Variants in CMIP observed in about 807,000 individuals in gnomAD.
CMIP encodes the protein c-Maf inducing protein, also known as C-Maf-inducing protein.
In CMIP, 13 loss-of-function variants were observed where a neutral mutation model predicts 97.3. The observed-to-expected ratio is 0.13, with a 90% CI of 0.09 to 0.21. CMIP has a LOEUF of 0.21. Ranked by LOEUF, CMIP falls within the 10% of genes least tolerant of loss-of-function variation. The pLI is 1.00. For synonymous variants in CMIP, 538 were observed against 436.3 expected (o/e 1.23, Z -2.91); for missense variants, 847 against 1,024.9 (o/e 0.83, Z 2.37).
At chr16:81,565,758 ATTCG>A (rs552977793) in intron 1 of CMIP, among the ~76,000 whole-genome samples, 100 of 152,252 alleles carry the variant, frequency 6.6e-4, no homozygotes, top group African/African-American at 2.3e-3. Context: ...GGTTTGACTC[ATTCG>A]TGCTGTCATT....
At chr16:81,701,014 A>T (rs1217447174) in intron 15 of CMIP, among the ~76,000 whole-genome samples, 1 of 152,000 alleles carries the variant, frequency 6.6e-6, no homozygotes, top group African/African-American at 2.4e-5. Flanking sequence ...ACTGAGCACC[A>T]TGGCATGCAC....
chr16:81,680,956 C>A (rs1347917166), intron 10 of CMIP, among the ~76,000 whole-genome samples: 2 of 152,216 alleles, frequency 1.3e-5, no homozygotes, highest in East Asian at 1.9e-4. Context: ...TTTTTTCCTT[C>A]TTCATAAACA....
intron 1 of CMIP, among the ~76,000 whole-genome samples, chr16:81,523,841 C>T (rs1187627342): frequency 1.3e-5 from 2 of 152,214 alleles, no homozygotes; most frequent in Non-Finnish European, 2.9e-5. Context: ...TAGCTAGGAG[C>T]CTGGATGTAA....
At chr16:81,494,691 A>C (rs2089459466) in intron 1 of CMIP, among the ~76,000 whole-genome samples, 2 of 152,188 alleles carry the variant, frequency 1.3e-5, no homozygotes, top group African/African-American at 4.8e-5. Flanking sequence ...GCTGGGTTCA[A>C]ACTCAGGTCA....
chr16:81,500,426 C>T (rs1167348645), intron 1 of CMIP, among the ~76,000 whole-genome samples: 1 of 127,388 alleles, frequency 7.9e-6, no homozygotes, highest in East Asian at 2.3e-4. Flanking sequence ...CCCTCCCCTC[C>T]CTCCCTCTCT....
intron 1 of CMIP, among the ~76,000 whole-genome samples, chr16:81,454,672 A>G (rs1906437071): frequency 6.6e-6 from 1 of 152,268 alleles, no homozygotes; most frequent in Admixed American, 6.5e-5. Context: ...GCACTTGGAA[A>G]GTCAGACATA....
chr16:81,516,325 G>A (rs533268212), intron 1 of CMIP, among the ~76,000 whole-genome samples: 12 of 152,284 alleles, frequency 7.9e-5, no homozygotes, highest in South Asian at 2.1e-4. Flanking sequence ...CTTCTCTCCC[G>A]TTTTAAACGT....
At chr16:81,473,248 T>A (rs1283527207) in intron 1 of CMIP, among the ~76,000 whole-genome samples, 5 of 152,212 alleles carry the variant, frequency 3.3e-5, no homozygotes, top group Non-Finnish European at 1.5e-5. Flanking sequence ...CTGACGTGTC[T>A]TCCTTCGTGT....
intron 1 of CMIP, among the ~76,000 whole-genome samples, chr16:81,547,609 CGGGGG>C (rs2090571907): frequency 6.7e-6 from 1 of 148,674 alleles, no homozygotes; most frequent in African/African-American, 2.6e-5. Context: ...GGGTGGGAAG[CGGGGG>C]AGGAGGAGGA....
chr16:81,677,805 A>T (rs1490066891), intron 9 of CMIP, among the ~76,000 whole-genome samples: 1 of 152,134 alleles, frequency 6.6e-6, no homozygotes, highest in Non-Finnish European at 1.5e-5. Context: ...GGGGCAGGAG[A>T]GCAGAGTCCT....
At position 81,710,248 on chromosome 16, in the gene CMIP, C is replaced by G. The variant is rs1908614322; in HGVS notation, c.*449C>G. On this transcript the variant is annotated 3_prime_UTR_variant, in exon 21 of 21. Transcript: ENST00000537098. ...GCGAACTCGCCCCCCGCCCTTGGGA[C>G]AAGAAGACCCAGTCACATCACTGCA... 4.8e-6 allele frequency: 1 copy of G among 206,962 alleles called. No individual in the cohort carries two copies. The highest frequency in any genetic ancestry group is 5.3e-5 in the Admixed American group (1 of 18,936). The allele number at this position is 206,962 out of a possible 1,614,324, so 12.8% of individuals were successfully genotyped here.
At chr16:81,535,545 T>C (rs940480277) in intron 1 of CMIP, among the ~76,000 whole-genome samples, 1 of 151,498 alleles carries the variant, frequency 6.6e-6, no homozygotes, top group African/African-American at 2.4e-5. Context: ...TGCATGAAGC[T>C]ACTAGCAAGA....
chr16:81,629,678 T>G (rs1384629360), intron 3 of CMIP, among the ~76,000 whole-genome samples: 1 of 152,246 alleles, frequency 6.6e-6, no homozygotes, highest in African/African-American at 2.4e-5. Flanking sequence ...TTTTAGCAGC[T>G]GTGGCCAGGC....
At chr16:81,580,763 C>T (rs1255507097) in intron 1 of CMIP, among the ~76,000 whole-genome samples, 1 of 152,052 alleles carries the variant, frequency 6.6e-6, no homozygotes. Context: ...TGCCACTGCA[C>T]TCCAGCCTGG....
chr16:81,690,493 T>C (rs1185947730), intron 10 of CMIP, among the ~76,000 whole-genome samples: 8 of 152,236 alleles, frequency 5.3e-5, no homozygotes, highest in Non-Finnish European at 1.5e-5. Flanking sequence ...ACACCTGTAA[T>C]CCTAGCACTT....
intron 1 of CMIP, among the ~76,000 whole-genome samples, chr16:81,448,372 T>A (rs2150726369): frequency 6.6e-6 from 1 of 152,376 alleles, no homozygotes; most frequent in African/African-American, 2.4e-5. Flanking sequence ...TAACCGAATC[T>A]GAGAGATTTA....
chr16:81,706,231 G>C (rs1350763992), intron 19 of CMIP, among the ~76,000 whole-genome samples: 1 of 152,224 alleles, frequency 6.6e-6, no homozygotes, highest in Non-Finnish European at 1.5e-5. Flanking sequence ...CTTTAGACGG[G>C]AAGACCCGTG....
intron 2 of CMIP, among the ~76,000 whole-genome samples, chr16:81,611,043 T>C (rs543767886): frequency 5.4e-4 from 82 of 152,262 alleles, no homozygotes; most frequent in African/African-American, 1.9e-3. Context: ...TGAAAGTGCC[T>C]TAAATGGTGC....
In CMIP at chr16:81,465,930, G is replaced by A. The variant is rs142544672; in HGVS notation, c.300+20389G>A. On this transcript the variant is annotated intron_variant, in intron 1 of 20. Coordinates refer to ENST00000537098, the MANE Select transcript of CMIP (RefSeq NM_198390.3). ...CCACTAGAACACCTTCGTTCCAGTCGGGGAGACAACCCTTGCAGAGAAGAA... is the reference window on the plus strand; with the variant it reads ...CCACTAGAACACCTTCGTTCCAGTCAGGGAGACAACCCTTGCAGAGAAGAA... Among the ~76,000 whole-genome samples, 526 of 152,342 alleles carry A rather than the reference G, an allele frequency of 3.5e-3. 3 individuals are homozygous for A. The highest frequency in any genetic ancestry group is 0.011 in the African/African-American group (475 of 41,582).
Sources: gnomAD v4.1 joint callset for allele counts (sites outside exome capture counted in the v4.1 genomes callset) on GRCh38, gnomAD v4.1.1 for gene constraint, MANE v1.5 for transcripts, NCBI Gene and HGNC (gene_info 2026-07-23, HGNC 2026-07-21) for gene names.